The following PPARGC1A variants were observed in gnomAD, a reference collection of about 807,000 sequenced individuals.
PPARGC1A encodes peroxisome proliferator-activated receptor gamma coactivator 1-alpha.
A neutral mutation model predicts 88.7 loss-of-function variants in PPARGC1A; 25 were observed. That is an observed-to-expected ratio of 0.28 (90% CI 0.21 to 0.39). The LOEUF is 0.39. Among genes scored for constraint, PPARGC1A ranks in the 10% least tolerant of loss-of-function variants. The probability of loss-of-function intolerance (pLI) is 1.00; values close to 1 mark genes in which losing one functional copy is unlikely to be tolerated. For synonymous variants in PPARGC1A, 363 were observed against 355.6 expected (o/e 1.02, Z -0.24); for missense variants, 880 against 968.7 (o/e 0.91, Z 1.22).
chr4:23,833,099 C>T (rs182400878), intron 2 of PPARGC1A, among the ~76,000 whole-genome samples: 105 of 152,226 alleles, frequency 6.9e-4, no homozygotes, highest in Admixed American at 2.1e-3. Flanking sequence ...CAAAATCTGT[C>T]CCTCTAATAA....
chr4:24,173,891 C>T, the PPARGC1A span, among the ~76,000 whole-genome samples: 4 of 152,214 alleles, frequency 2.6e-5, no homozygotes, highest in African/African-American at 7.2e-5. Context: ...TCCACACCAT[C>T]TGATGACCAG....
At chr4:23,903,928 A>G (rs1719732833), upstream of PPARGC1A, 1 of 685,844 alleles carries the variant, frequency 1.5e-6, no homozygotes, top group African/African-American at 2.0e-5. Context: ...CCAGAAATAA[A>G]ACAAAACCCA....
chr4:24,276,213 C>T, the PPARGC1A span, among the ~76,000 whole-genome samples: 53 of 152,122 alleles, frequency 3.5e-4, no homozygotes, highest in Non-Finnish European at 6.8e-4. Context: ...AGGAAAATGC[C>T]TACCACTTGT....
chr4:24,127,103 G>T, the PPARGC1A span, among the ~76,000 whole-genome samples: 1 of 152,128 alleles, frequency 6.6e-6, no homozygotes, highest in Non-Finnish European at 1.5e-5. Flanking sequence ...AATTAAAAGA[G>T]GGGATGAGCC....
upstream of PPARGC1A, among the ~76,000 whole-genome samples, chr4:23,891,419 G>T (rs1560525224): frequency 6.6e-6 from 1 of 152,168 alleles, no homozygotes; most frequent in Non-Finnish European, 1.5e-5. Flanking sequence ...TTCTACTGAG[G>T]TTAATTTACA....
At chr4:24,330,897 G>T in the PPARGC1A span, among the ~76,000 whole-genome samples, 2 of 152,014 alleles carry the variant, frequency 1.3e-5, no homozygotes, top group Non-Finnish European at 2.9e-5. Context: ...CTGCTGTTGT[G>T]CCTCTAAAAG....
At chr4:23,804,051 T>G (rs527573083) in intron 10 of PPARGC1A, among the ~76,000 whole-genome samples, 1 of 152,148 alleles carries the variant, frequency 6.6e-6, no homozygotes, top group African/African-American at 2.4e-5. Flanking sequence ...TTCTACCACA[T>G]GTAACATGCT....
At chr4:24,133,329 C>T in the PPARGC1A span, among the ~76,000 whole-genome samples, 7 of 152,222 alleles carry the variant, frequency 4.6e-5, no homozygotes, top group African/African-American at 1.7e-4. Flanking sequence ...CAGATGAATA[C>T]ACTCTAAATC....
intron 2 of PPARGC1A, among the ~76,000 whole-genome samples, chr4:23,841,583 G>A (rs537521616): frequency 3.3e-5 from 5 of 151,786 alleles, no homozygotes; most frequent in East Asian, 1.9e-4. Context: ...AAATTGAATC[G>A]TTTTGTATTG....
At chr4:24,140,440 C>T in the PPARGC1A span, among the ~76,000 whole-genome samples, 33 of 152,182 alleles carry the variant, frequency 2.2e-4, no homozygotes, top group South Asian at 4.2e-4. Flanking sequence ...ATTTTGTGAC[C>T]GGGTCATTGG....
chr4:24,114,111 G>A, the PPARGC1A span, among the ~76,000 whole-genome samples: 3 of 115,532 alleles, frequency 2.6e-5, no homozygotes, highest in Non-Finnish European at 5.0e-5. Context: ...GAGACAGAGA[G>A]AGACTCCATC....
At chr4:24,070,333 A>G in the PPARGC1A span, among the ~76,000 whole-genome samples, 1 of 152,206 alleles carries the variant, frequency 6.6e-6, no homozygotes, top group Non-Finnish European at 1.5e-5. Context: ...AATGCACTTC[A>G]GAATAACAGT....
chr4:23,805,348 A>G (rs911545853), intron 10 of PPARGC1A, among the ~76,000 whole-genome samples: 4 of 152,352 alleles, frequency 2.6e-5, no homozygotes, highest in Non-Finnish European at 5.9e-5. Flanking sequence ...AATCTCACTC[A>G]TAAAAATCAC....
chr4:23,799,719 C>G (rs1718311778), intron 12 of PPARGC1A, among the ~76,000 whole-genome samples: 2 of 152,128 alleles, frequency 1.3e-5, no homozygotes, highest in South Asian at 4.2e-4. Context: ...AGGAAGCATC[C>G]TTCTTAGAAA....
chr4:24,361,643 A>G, the PPARGC1A span, among the ~76,000 whole-genome samples: 25,674 of 152,196 alleles, frequency 0.17, 2,285 homozygotes, highest in Non-Finnish European at 0.19. Flanking sequence ...AACAATCCAA[A>G]TCTAAAACTC....
the PPARGC1A span, among the ~76,000 whole-genome samples, chr4:23,976,260 A>C: frequency 6.6e-6 from 1 of 152,206 alleles, no homozygotes; most frequent in African/African-American, 2.4e-5. Context: ...ATTTTGCTAA[A>C]AACATTCCAA....
At chr4:24,300,209 G>T in the PPARGC1A span, among the ~76,000 whole-genome samples, 28 of 151,254 alleles carry the variant, frequency 1.9e-4, no homozygotes, top group East Asian at 5.5e-3. Flanking sequence ...TGTTCAATTT[G>T]CCACATTTTT....
chr4:23,935,472 A>T, the PPARGC1A span, among the ~76,000 whole-genome samples: 2,662 of 152,270 alleles, frequency 0.017, 80 homozygotes, highest in African/African-American at 0.059. Flanking sequence ...TATCATCATA[A>T]TGATAATGTT....
At chr4:24,264,439 C>T in the PPARGC1A span, among the ~76,000 whole-genome samples, 6 of 152,162 alleles carry the variant, frequency 3.9e-5, no homozygotes, top group South Asian at 2.1e-4. Context: ...GAAAAGGTGC[C>T]GTGAGGACTG....
Sources: gnomAD v4.1 joint callset for allele counts (sites outside exome capture counted in the v4.1 genomes callset) on GRCh38, gnomAD v4.1.1 for gene constraint, MANE v1.5 for transcripts, NCBI Gene and HGNC (gene_info 2026-07-23, HGNC 2026-07-21) for gene names.